Variants in ADGRG1 observed in about 807,000 individuals in gnomAD.
ADGRG1 encodes adhesion G protein-coupled receptor G1.
A neutral mutation model predicts 73.5 loss-of-function variants in ADGRG1; 53 were observed. The ratio of observed to expected loss-of-function variants is 0.72; its 90% CI spans 0.58 to 0.91. ADGRG1 has a LOEUF of 0.91. ADGRG1 is among the 40% of genes least tolerant of loss of function. The probability of loss-of-function intolerance (pLI) is 0.00; values close to 1 mark genes in which losing one functional copy is unlikely to be tolerated. For missense variants in ADGRG1, 795 were observed against 871.8 expected (o/e 0.91, Z 1.11); for synonymous variants, 394 against 374.4 (o/e 1.05, Z -0.60).
rs2044013519 is a variant in ADGRG1, at chr16:57,651,253, C to A, written c.118C>A (p.Gln40Lys). The A allele has an allele frequency of 1.2e-6, 2 of 1,614,074 alleles. No individual in the cohort carries two copies. The highest frequency in any genetic ancestry group is 1.3e-5 in the African/African-American group (1 of 74,908). ...EDFRFCSQRN[Q>K]THRSSLHYKP... ...CTTTCGCTTCTGCAGCCAGCGGAAC[C>A]AGACACACAGGAGCAGCCTCCACTA... Residue 40 changes from glutamine to lysine, a missense_variant, in exon 3 of 14, where the codon CAG (glutamine) becomes AAG (lysine). By Grantham distance (53) the Gln-to-Lys change is moderately conservative. Coordinates refer to ENST00000562631, the MANE Select transcript of ADGRG1 (RefSeq NM_201525.4).
intron 1 of ADGRG1, chr16:57,635,325 C>A: frequency 3.0e-6 from 3 of 985,374 alleles, no homozygotes; most frequent in Non-Finnish European, 3.6e-6. Flanking sequence ...GACTCTGCCA[C>A]CTGTGTGCAC....
At chr16:57,639,960 A>G (rs764945392) in intron 1 of ADGRG1, 17 of 585,866 alleles carry the variant, frequency 2.9e-5, no homozygotes, top group Non-Finnish European at 3.7e-5. Context: ...CTCAACTACA[A>G]GGAAATAGTT....
At chr16:57,650,052 A>G (rs1209522161) in intron 1 of ADGRG1, 1 of 804,716 alleles carries the variant, frequency 1.2e-6, no homozygotes, top group Non-Finnish European at 1.5e-6. Context: ...CGCTGGGATT[A>G]CAGACATAAG....
chr16:57,665,161 G>C lies in ADGRG1; in HGVS notation c.*1579G>C, dbSNP rs1483427034. 10 of 143,700 alleles carry C rather than the reference G, an allele frequency of 7.0e-5. No individual in the cohort carries two copies. The highest frequency in any genetic ancestry group is 1.2e-4 in the Non-Finnish European group (8 of 65,628). The allele number at this position is 143,700 out of a possible 1,614,324, so 8.9% of individuals were successfully genotyped here. On this transcript the variant is annotated 3_prime_UTR_variant, in exon 14 of 14. Coordinates refer to ENST00000562631, the MANE Select transcript of ADGRG1 (RefSeq NM_201525.4). ...AAGAGAGAAGAGGGCTGTGTGTGAAGAAAAAAAAAAAATCGACTGCTGGAA... is the reference window on the plus strand; with the variant it reads ...AAGAGAGAAGAGGGCTGTGTGTGAACAAAAAAAAAAAATCGACTGCTGGAA...
upstream of ADGRG1, chr16:57,626,692 T>G (rs910098712): frequency 1.0e-6 from 1 of 985,434 alleles, no homozygotes; most frequent in Non-Finnish European, 1.2e-6. Context: ...TGTGCCCTTC[T>G]GGTCAGCACG....
intron 1 of ADGRG1, chr16:57,643,068 C>T (rs2041256612): frequency 6.6e-6 from 1 of 152,212 alleles, no homozygotes; most frequent in South Asian, 2.1e-4. Flanking sequence ...ATTCCAGGGC[C>T]CTTTTCACTG....
intron 1 of ADGRG1, chr16:57,631,507 C>T: frequency 1.0e-6 from 1 of 985,552 alleles, no homozygotes. Context: ...CAACAGAGCC[C>T]CAAACCCCAG....
At chr16:57,648,930 C>T (rs1391708862) in intron 1 of ADGRG1, among the ~76,000 whole-genome samples, 1 of 152,228 alleles carries the variant, frequency 6.6e-6, no homozygotes, top group Admixed American at 6.5e-5. Flanking sequence ...TCATTTAACT[C>T]CATGGGCCTC....
chr16:57,631,158 A>AG, intron 1 of ADGRG1: 16 of 986,016 alleles, frequency 1.6e-5, no homozygotes, highest in Non-Finnish European at 1.9e-5. Flanking sequence ...GAGGGAGACG[A>AG]GGGGGAGGTG....
In ADGRG1 at chr16:57,665,212, A is replaced by G. The variant is rs897883647; in HGVS notation, c.*1630A>G. On this transcript the variant is annotated 3_prime_UTR_variant, in exon 14 of 14. Coordinates refer to ENST00000562631, the MANE Select transcript of ADGRG1 (RefSeq NM_201525.4). The stretch of plus-strand genomic sequence containing the variant: ...ACCTCATCAACCAGGGCACAGGGGA[A>G]GATAAATGGCAACTTGGTGTCTGTG... 1.3e-4 allele frequency: 19 copies of G among 151,946 alleles called. No individual in the cohort carries two copies. Among genetic ancestry groups the G allele is most frequent in the Non-Finnish European group, 2.2e-4 (15 of 68,028 alleles). The allele number at this position is 151,946 out of a possible 1,614,324, so 9.4% of individuals were successfully genotyped here.
chr16:57,635,173 T>C (rs2039042920), intron 1 of ADGRG1: 1 of 985,090 alleles, frequency 1.0e-6, no homozygotes, highest in Admixed American at 6.1e-5. Context: ...ATAGGGGCAT[T>C]CCTGACCCCA....
At chr16:57,644,213 G>T in intron 1 of ADGRG1, 11 of 984,348 alleles carry the variant, frequency 1.1e-5, no homozygotes, top group Non-Finnish European at 1.2e-5. Flanking sequence ...TGTATGCACG[G>T]GCACACGCAC....
chr16:57,654,666 G>A (rs1396570978), intron 5 of ADGRG1, among the ~76,000 whole-genome samples: 4 of 152,084 alleles, frequency 2.6e-5, no homozygotes, highest in African/African-American at 9.7e-5. Flanking sequence ...GATCACTTGA[G>A]GTCAGGAGTT....
intron 1 of ADGRG1, chr16:57,646,699 G>T: frequency 1.6e-5 from 16 of 984,778 alleles, no homozygotes; most frequent in Non-Finnish European, 1.9e-5. Flanking sequence ...CTACAAGGAG[G>T]GGGAGACTTG....
intron 1 of ADGRG1, chr16:57,642,032 C>A: frequency 1.0e-6 from 1 of 953,794 alleles, no homozygotes; most frequent in Non-Finnish European, 1.2e-6. Context: ...GTACTACAGG[C>A]AAGCACTACT....
At chr16:57,639,409 T>A in intron 1 of ADGRG1, 1 of 985,464 alleles carries the variant, frequency 1.0e-6, no homozygotes, top group East Asian at 1.1e-4. Context: ...CAGGGGCTGC[T>A]GTCACCTGCG....
At chr16:57,649,284 TC>T (rs1281455302) in intron 1 of ADGRG1, among the ~76,000 whole-genome samples, 5 of 152,212 alleles carry the variant, frequency 3.3e-5, no homozygotes, top group Admixed American at 3.3e-4. Flanking sequence ...TCACTGTCCA[TC>T]CCCACAGCCT....
intron 13 of ADGRG1, chr16:57,662,806 G>T (rs1306552341): frequency 3.5e-6 from 1 of 287,730 alleles, no homozygotes; most frequent in East Asian, 1.8e-4. Context: ...GCACACACAG[G>T]CATGCACACC....
At chr16:57,654,935 G>T (rs2045271888) in intron 5 of ADGRG1, 1 of 340,410 alleles carries the variant, frequency 2.9e-6, no homozygotes, top group Non-Finnish European at 4.1e-6. Flanking sequence ...GTCCAGGTTG[G>T]TCTTGACCTC....
Sources: gnomAD v4.1 joint callset for allele counts (sites outside exome capture counted in the v4.1 genomes callset) on GRCh38, gnomAD v4.1.1 for gene constraint, MANE v1.5 for transcripts, NCBI Gene and HGNC (gene_info 2026-07-23, HGNC 2026-07-21) for gene names.